Variants in KCND2 observed in about 807,000 individuals in gnomAD.
KCND2 encodes A-type voltage-gated potassium channel KCND2.
In KCND2, 16 loss-of-function variants were observed where a neutral mutation model predicts 54.4. The observed-to-expected ratio is 0.29, with a 90% confidence interval of 0.20 to 0.45. KCND2 has a LOEUF of 0.45. Among genes scored for constraint, KCND2 ranks in the 20% least tolerant of loss-of-function variants. The pLI, the probability that KCND2 is intolerant of heterozygous loss-of-function variation, is 1.00. For missense variants in KCND2, 486 were observed against 824.2 expected (o/e 0.59, Z 5.02); for synonymous variants, 317 against 310.7 (o/e 1.02, Z -0.21).
chr7:120,311,088 T>A (rs1799729704), intron 1 of KCND2, among the ~76,000 whole-genome samples: 1 of 152,150 alleles, frequency 6.6e-6, no homozygotes, highest in African/African-American at 2.4e-5. Context: ...TTTGTTAAGT[T>A]GGCAAATATC....
intron 1 of KCND2, among the ~76,000 whole-genome samples, chr7:120,678,738 GTATATATATATA>G (rs66483423): frequency 0.012 from 1,421 of 115,776 alleles, 23 homozygotes; most frequent in African/African-American, 0.025. Context: ...GTGTGTGAGT[GTATATATATATA>G]TATATATATA....
chr7:120,592,218 TTTTGTTTG>T (rs563922540), intron 1 of KCND2, among the ~76,000 whole-genome samples: 2 of 152,082 alleles, frequency 1.3e-5, no homozygotes, highest in African/African-American at 2.4e-5. Context: ...TAGAGACATG[TTTTGTTTG>T]TTTGTTTGTT....
intron 1 of KCND2, among the ~76,000 whole-genome samples, chr7:120,377,518 A>G (rs909430133): frequency 7.9e-5 from 12 of 151,310 alleles, no homozygotes; most frequent in Admixed American, 2.0e-4. Context: ...TTTTAAGTTT[A>G]CTGATTTTGT....
At chr7:120,548,203 T>A (rs1427180132) in intron 1 of KCND2, among the ~76,000 whole-genome samples, 2 of 152,068 alleles carry the variant, frequency 1.3e-5, no homozygotes, top group African/African-American at 4.8e-5. Context: ...TCAGGAGCCA[T>A]AGGAAAAATC....
chr7:120,607,330 A>G (rs773534944), intron 1 of KCND2, among the ~76,000 whole-genome samples: 2 of 152,184 alleles, frequency 1.3e-5, no homozygotes, highest in South Asian at 4.2e-4. Context: ...CAGAGGGCCT[A>G]CTCTGCTATC....
intron 1 of KCND2, among the ~76,000 whole-genome samples, chr7:120,642,019 A>G (rs1311177591): frequency 4.6e-5 from 7 of 152,004 alleles, no homozygotes; most frequent in Admixed American, 4.6e-4. Context: ...ACATAACAAA[A>G]ATATTACTGA....
chr7:120,425,581 A>G (rs1801695627), intron 1 of KCND2, among the ~76,000 whole-genome samples: 1 of 152,130 alleles, frequency 6.6e-6, no homozygotes, highest in South Asian at 2.1e-4. Flanking sequence ...TACTATAGAC[A>G]TTTTCCAAGC....
At chr7:120,467,217 G>A (rs557331566) in intron 1 of KCND2, among the ~76,000 whole-genome samples, 1 of 152,228 alleles carries the variant, frequency 6.6e-6, no homozygotes, top group South Asian at 2.1e-4. Context: ...ATAGGTCAGA[G>A]ACATAGGTTA....
chr7:120,655,612 A>T (rs893344415), intron 1 of KCND2, among the ~76,000 whole-genome samples: 1 of 152,086 alleles, frequency 6.6e-6, no homozygotes, highest in African/African-American at 2.4e-5. Context: ...GCAAACTCTC[A>T]TGCTCAAGTA....
chr7:120,308,795 A>G (rs2116309223), intron 1 of KCND2, among the ~76,000 whole-genome samples: 1 of 152,292 alleles, frequency 6.6e-6, no homozygotes, highest in Non-Finnish European at 1.5e-5. Context: ...TAAGTTGTTT[A>G]ACTTCTCTGA....
intron 2 of KCND2, among the ~76,000 whole-genome samples, chr7:120,736,299 A>G (rs1792869481): frequency 6.6e-6 from 1 of 152,050 alleles, no homozygotes; most frequent in African/African-American, 2.4e-5. Flanking sequence ...TATACAGGGA[A>G]TACATGGTTT....
At chr7:120,355,207 AC>A (rs529980081) in intron 1 of KCND2, among the ~76,000 whole-genome samples, 9 of 152,180 alleles carry the variant, frequency 5.9e-5, no homozygotes, top group Non-Finnish European at 8.8e-5. Flanking sequence ...CATTGTAATT[AC>A]CCAGCCAGTG....
intron 1 of KCND2, among the ~76,000 whole-genome samples, chr7:120,447,120 T>C (rs557007330): frequency 1.3e-5 from 2 of 152,202 alleles, no homozygotes; most frequent in South Asian, 4.1e-4. Flanking sequence ...GATAAGCCAG[T>C]ACTCAAACTT....
chr7:120,640,449 T>A (rs930505691), intron 1 of KCND2, among the ~76,000 whole-genome samples: 6 of 152,206 alleles, frequency 3.9e-5, no homozygotes, highest in African/African-American at 1.2e-4. Flanking sequence ...ATCAACATTA[T>A]GGAGTACCGT....
At chr7:120,311,993 C>T (rs1799741950) in intron 1 of KCND2, among the ~76,000 whole-genome samples, 1 of 152,284 alleles carries the variant, frequency 6.6e-6, no homozygotes, top group South Asian at 2.1e-4. Flanking sequence ...CAACCTCCAC[C>T]TCCTGGGTTC....
intron 1 of KCND2, among the ~76,000 whole-genome samples, chr7:120,635,837 A>G (rs1793297987): frequency 6.6e-6 from 1 of 152,220 alleles, no homozygotes; most frequent in Non-Finnish European, 1.5e-5. Context: ...AAAGTAATGA[A>G]ATTGAATTTG....
intron 1 of KCND2, among the ~76,000 whole-genome samples, chr7:120,475,016 C>T (rs1802513765): frequency 6.6e-6 from 1 of 152,176 alleles, no homozygotes; most frequent in Non-Finnish European, 1.5e-5. Flanking sequence ...AAGGCCTTCA[C>T]TTTTAACAAT....
At chr7:120,457,074 T>C (rs1802210541) in intron 1 of KCND2, among the ~76,000 whole-genome samples, 2 of 152,164 alleles carry the variant, frequency 1.3e-5, no homozygotes, top group African/African-American at 2.4e-5. Flanking sequence ...CATTCGCCCC[T>C]TTTGGTCATG....
chr7:120,523,630 G>T (rs1460714856), intron 1 of KCND2, among the ~76,000 whole-genome samples: 1 of 147,000 alleles, frequency 6.8e-6, no homozygotes, highest in Non-Finnish European at 1.5e-5. Context: ...CACATATATA[G>T]TATGTATATA....
Sources: gnomAD v4.1 joint callset for allele counts (sites outside exome capture counted in the v4.1 genomes callset) on GRCh38, gnomAD v4.1.1 for gene constraint, MANE v1.5 for transcripts, NCBI Gene and HGNC (gene_info 2026-07-23, HGNC 2026-07-21) for gene names.